Variants in ESRRB observed in about 807,000 individuals in gnomAD.
The protein encoded by ESRRB is estrogen related receptor beta, also known as steroid hormone receptor ERR2.
In ESRRB, 16 loss-of-function variants were observed where a neutral mutation model predicts 46.0. The ratio of observed to expected loss-of-function variants is 0.35; its 90% CI spans 0.24 to 0.53. ESRRB has a LOEUF of 0.53. Ranked by LOEUF, ESRRB falls within the 20% of genes least tolerant of loss-of-function variation. ESRRB has a pLI of 0.93. For synonymous variants in ESRRB, 246 were observed against 259.6 expected, an observed-to-expected ratio of 0.95 and a Z score of 0.50; for missense variants, 488 against 607.4, an observed-to-expected ratio of 0.80 and a Z score of 2.07.
intron 2 of ESRRB, among the ~76,000 whole-genome samples, chr14:76,446,070 C>A (rs145711556): frequency 6.6e-6 from 1 of 152,214 alleles, no homozygotes; most frequent in Non-Finnish European, 1.5e-5. Context: ...GGGCAAACTA[C>A]GGCCTGTAAG....
intron 1 of ESRRB, among the ~76,000 whole-genome samples, chr14:76,422,922 A>C (rs1887033009): frequency 6.6e-6 from 1 of 152,154 alleles, no homozygotes; most frequent in South Asian, 2.1e-4. Context: ...CTCTGAAGTC[A>C]AGCAACCCCT....
At chr14:76,356,945 A>G (rs1884386081) in intron 1 of ESRRB, among the ~76,000 whole-genome samples, 3 of 152,130 alleles carry the variant, frequency 2.0e-5, no homozygotes, top group Admixed American at 2.0e-4. Flanking sequence ...GATGGCCACT[A>G]GGAGCTCCTC....
intron 1 of ESRRB, among the ~76,000 whole-genome samples, chr14:76,337,402 T>C (rs1884140162): frequency 6.6e-6 from 1 of 152,120 alleles, no homozygotes; most frequent in African/African-American, 2.4e-5. Flanking sequence ...TGGTGGTAGG[T>C]GCTCCTGTTT....
intron 1 of ESRRB, among the ~76,000 whole-genome samples, chr14:76,418,575 C>T (rs981208931): frequency 1.3e-5 from 2 of 152,164 alleles, no homozygotes; most frequent in Non-Finnish European, 2.9e-5. Flanking sequence ...GTTTCTCAGA[C>T]TTTCCATAAT....
At chr14:76,313,225 CTT>C (rs1258016572) in intron 1 of ESRRB, among the ~76,000 whole-genome samples, 5 of 152,214 alleles carry the variant, frequency 3.3e-5, no homozygotes, top group African/African-American at 1.2e-4. Context: ...TTCAGGGAAA[CTT>C]CAGTGTATTT....
At chr14:76,317,961 G>A (rs547561828) in intron 1 of ESRRB, among the ~76,000 whole-genome samples, 84 of 152,276 alleles carry the variant, frequency 5.5e-4, no homozygotes, top group Non-Finnish European at 1.0e-3. Flanking sequence ...GTGCTGTGTG[G>A]CTTTAGCATC....
chr14:76,413,748 T>C (rs1377762800), intron 1 of ESRRB, among the ~76,000 whole-genome samples: 1 of 152,070 alleles, frequency 6.6e-6, no homozygotes, highest in Non-Finnish European at 1.5e-5. Context: ...ATGAAATAAG[T>C]AAGCGAATAG....
rs1566603811 is a variant in ESRRB, at chr14:76,469,934, TTTTTTTTTTC to T, written c.577+7283_577+7292del. On this transcript the variant is annotated intron_variant, in intron 3 of 6. Coordinates refer to ENST00000644823, the MANE Select transcript of ESRRB (RefSeq NM_001379180.1). ...ACTAGGCTGTGTTTTTTGTTGTTTT[TTTTTTTTTTC>T]TTTTTTTTTTTTTTTTTTTTTGAGA... Among the ~76,000 whole-genome samples, 32 of 134,928 alleles carry T rather than the reference TTTTTTTTTTC, an allele frequency of 2.4e-4. 3 individuals are homozygous for T. Among genetic ancestry groups the T allele is most frequent in the Non-Finnish European group, 3.3e-4 (20 of 61,346 alleles). The allele number at this position is 134,928 out of a possible 152,430, so 88.5% of individuals were successfully genotyped here. A position where few individuals can be genotyped will look rare whatever the true frequency, so the allele number is the denominator to read the frequency against.
At chr14:76,381,743 G>A (rs959598990) in intron 1 of ESRRB, among the ~76,000 whole-genome samples, 38 of 152,112 alleles carry the variant, frequency 2.5e-4, no homozygotes, top group African/African-American at 9.2e-4. Flanking sequence ...CTGTTCGCTG[G>A]CTCCTGGACT....
chr14:76,413,486 T>G (rs1452909642), intron 1 of ESRRB, among the ~76,000 whole-genome samples: 2 of 152,128 alleles, frequency 1.3e-5, no homozygotes, highest in African/African-American at 2.4e-5. Flanking sequence ...GGCAAACACC[T>G]ACTTGTCCTT....
intron 2 of ESRRB, among the ~76,000 whole-genome samples, chr14:76,456,833 G>A (rs539949859): frequency 2.0e-5 from 3 of 152,302 alleles, no homozygotes; most frequent in Admixed American, 1.3e-4. Flanking sequence ...AGGATCGGGA[G>A]AGCAGAGGGC....
intron 2 of ESRRB, among the ~76,000 whole-genome samples, chr14:76,459,685 C>T (rs1820032714): frequency 6.6e-6 from 1 of 152,168 alleles, no homozygotes; most frequent in Admixed American, 6.5e-5. Context: ...ACCGGGCTTA[C>T]ATGAATATTG....
intron 3 of ESRRB, among the ~76,000 whole-genome samples, chr14:76,478,873 T>A (rs542179856): frequency 6.6e-6 from 1 of 152,222 alleles, no homozygotes; most frequent in African/African-American, 2.4e-5. Flanking sequence ...CCTTATGCTG[T>A]CACTGAAGGG....
At chr14:76,448,626 G>A (rs1009751735) in intron 2 of ESRRB, among the ~76,000 whole-genome samples, 18 of 151,712 alleles carry the variant, frequency 1.2e-4, no homozygotes, top group African/African-American at 2.4e-4. Flanking sequence ...GTGAGCCACC[G>A]CGCCCAGCCC....
intron 1 of ESRRB, among the ~76,000 whole-genome samples, chr14:76,317,644 C>T (rs967224004): frequency 2.6e-5 from 4 of 152,176 alleles, no homozygotes; most frequent in Non-Finnish European, 5.9e-5. Flanking sequence ...GAGACCGCTT[C>T]CGCCCGCGGG....
intron 2 of ESRRB, among the ~76,000 whole-genome samples, chr14:76,454,252 A>G (rs1264485226): frequency 2.6e-5 from 4 of 152,162 alleles, no homozygotes; most frequent in Non-Finnish European, 5.9e-5. Context: ...CTTGCTTTCA[A>G]TTCGTTTGCA....
intron 2 of ESRRB, among the ~76,000 whole-genome samples, chr14:76,446,420 A>C (rs1337708717): frequency 1.1e-4 from 16 of 150,338 alleles, no homozygotes; most frequent in African/African-American, 3.2e-4. Flanking sequence ...CTGTGATGAC[A>C]CTCACTGAGA....
intron 1 of ESRRB, among the ~76,000 whole-genome samples, chr14:76,408,519 G>T (rs1265606369): frequency 2.7e-5 from 4 of 149,718 alleles, no homozygotes; most frequent in Admixed American, 1.3e-4. Context: ...TTGAGCCTGG[G>T]AGGTCAAGGC....
At chr14:76,466,143 C>T (rs1333252144) in intron 3 of ESRRB, among the ~76,000 whole-genome samples, 6 of 152,112 alleles carry the variant, frequency 3.9e-5, no homozygotes, top group South Asian at 2.1e-4. Flanking sequence ...GGCTGCTCTC[C>T]GCTTTAGGGT....
Sources: allele counts gnomAD v4.1 joint callset (sites outside exome capture counted in the v4.1 genomes callset), GRCh38; gene constraint gnomAD v4.1.1; transcripts MANE v1.5; gene names NCBI Gene and HGNC (gene_info 2026-07-23, HGNC 2026-07-21).